Variants in SLC22A23 observed in about 807,000 individuals in gnomAD.
The protein encoded by SLC22A23 is solute carrier family 22 member 23.
SLC22A23 carries 26 observed loss-of-function variants against 61.0 expected under a neutral mutation model. The ratio of observed to expected loss-of-function variants is 0.43; its 90% CI spans 0.31 to 0.59. The LOEUF (loss-of-function observed/expected upper bound fraction) is 0.59. SLC22A23 is among the 20% of genes least tolerant of loss of function. The pLI is 0.11. For missense variants in SLC22A23, 796 were observed against 934.7 expected (o/e 0.85, Z 1.94); for synonymous variants, 430 against 413.9 (o/e 1.04, Z -0.47).
chr6:3,432,793 C>T (rs1009122684), intron 1 of SLC22A23, among the ~76,000 whole-genome samples: 2 of 152,172 alleles, frequency 1.3e-5, no homozygotes, highest in Non-Finnish European at 2.9e-5. Flanking sequence ...ACCTACAGTT[C>T]GTTGCTCTTT....
rs78994264 is a variant in SLC22A23 at position 3,410,142 on chromosome 6, C to T, written c.913+46G>A. 0.017 allele frequency: 26,510 copies of T among 1,568,850 alleles called. 269 individuals are homozygous for T. Among genetic ancestry groups the T allele is most frequent in the Middle Eastern group, 0.03 (176 of 5,868 alleles). On this transcript the variant is annotated intron_variant, in intron 3 of 9. Coordinates refer to ENST00000406686, the MANE Select transcript of SLC22A23 (RefSeq NM_015482.2). The surrounding 1 kb of genome is among the most constrained non-coding windows in gnomAD (Gnocchi z 5.0). Reference sequence around the variant, plus strand: ...TCCCAGAACCTCCCAGGCAACAATACTTTTGCTAAATTCTTTCAAGACTAG... The same window carrying T: ...TCCCAGAACCTCCCAGGCAACAATATTTTTGCTAAATTCTTTCAAGACTAG...
rs1763493221 is a variant in SLC22A23, at chr6:3,329,947, G to A, written c.914-5945C>T. Among the ~76,000 whole-genome samples the A allele has an allele frequency of 6.6e-6, 1 of 152,164 alleles. No homozygotes were observed. The highest frequency in any genetic ancestry group is 1.5e-5 in the Non-Finnish European group (1 of 68,032). ...GCTCCTAAATTAAACACAATTCCTG[G>A]AACAGGCCTGCGGAACGAGAAATCC... On this transcript the variant is annotated intron_variant, in intron 3 of 9. Transcript: ENST00000406686. This position sits in a 1 kb window ranked among gnomAD's most constrained non-coding sequence, Gnocchi z 4.8.
chr6:3,396,363 C>G (rs1010661270), intron 3 of SLC22A23, among the ~76,000 whole-genome samples: 8 of 152,196 alleles, frequency 5.3e-5, no homozygotes, highest in African/African-American at 1.9e-4. Context: ...GAGATCGAGA[C>G]CATCCTGACC....
intron 3 of SLC22A23, among the ~76,000 whole-genome samples, chr6:3,396,395 T>C (rs537821603): frequency 3.3e-5 from 5 of 152,246 alleles, no homozygotes; most frequent in Admixed American, 6.5e-5. Context: ...TCCCCATCTC[T>C]ACTAAAAATA....
intron 4 of SLC22A23, among the ~76,000 whole-genome samples, chr6:3,310,776 C>T (rs2127380356): frequency 6.6e-6 from 1 of 152,314 alleles, no homozygotes; most frequent in Admixed American, 6.5e-5. Flanking sequence ...CCTGCCAATT[C>T]ACTTAACACC....
intron 1 of SLC22A23, among the ~76,000 whole-genome samples, chr6:3,428,814 G>A (rs1451242862): frequency 6.6e-6 from 1 of 152,178 alleles, no homozygotes; most frequent in Non-Finnish European, 1.5e-5. Context: ...ATGCCTAAAA[G>A]GGTAACAATA....
At chr6:3,437,401 G>T (rs56741246) in intron 1 of SLC22A23, among the ~76,000 whole-genome samples, 3 of 152,042 alleles carry the variant, frequency 2.0e-5, no homozygotes, top group South Asian at 2.1e-4. Context: ...TAATAGGCCA[G>T]GCGCGGTGGC....
intron 3 of SLC22A23, among the ~76,000 whole-genome samples, chr6:3,408,550 G>A (rs1425034564): frequency 2.0e-5 from 3 of 152,184 alleles, no homozygotes; most frequent in Admixed American, 1.3e-4. Flanking sequence ...TGGCAGACAT[G>A]GCTAATGGAT....
At position 3,390,746 on chromosome 6, in the gene SLC22A23, G is replaced by A. The variant is rs1293078055; in HGVS notation, c.913+19442C>T. 6.6e-6 allele frequency among the ~76,000 whole-genome samples: 1 copy of A among 152,234 alleles called. No individual in the cohort carries two copies. The highest frequency in any genetic ancestry group is 1.5e-5 in the Non-Finnish European group (1 of 68,046). On this transcript the variant is annotated intron_variant, in intron 3 of 9. Coordinates refer to ENST00000406686, the MANE Select transcript of SLC22A23 (RefSeq NM_015482.2). The surrounding 1 kb of genome is among the most constrained non-coding windows in gnomAD (Gnocchi z 4.0). ...TGGACCCCAAGTGGGGCTATGGAGTGTACTAAACATCATCACTGAACATTT... is the reference window on the plus strand; with the variant it reads ...TGGACCCCAAGTGGGGCTATGGAGTATACTAAACATCATCACTGAACATTT...
intron 3 of SLC22A23, among the ~76,000 whole-genome samples, chr6:3,404,912 T>C (rs59034326): frequency 0.027 from 4,090 of 152,120 alleles, 192 homozygotes; most frequent in African/African-American, 0.093. Flanking sequence ...GATTTCCCTG[T>C]TGTGCCCATC....
chr6:3,363,727 T>C (rs1197247584), intron 3 of SLC22A23, among the ~76,000 whole-genome samples: 3 of 152,236 alleles, frequency 2.0e-5, no homozygotes, highest in Admixed American at 2.0e-4. Context: ...TGCCACGTTC[T>C]GGAGAGAAAA....
rs1172021789 is a variant in SLC22A23 at position 3,318,839 on chromosome 6, C to T, written c.1082+4995G>A. ...TCCATGTTTCTTAAAGCTCTGGCCT[C>T]CCCATCTCAGGAAACAGACCCAGCT... On this transcript the variant is annotated intron_variant, in intron 4 of 9. Coordinates refer to ENST00000406686, the MANE Select transcript of SLC22A23 (RefSeq NM_015482.2). The surrounding 1 kb of genome is among the most constrained non-coding windows in gnomAD (Gnocchi z 4.3). 6.6e-6 allele frequency among the ~76,000 whole-genome samples: 1 copy of T among 152,170 alleles called. No homozygotes were observed. Among genetic ancestry groups the T allele is most frequent in the Non-Finnish European group, 1.5e-5 (1 of 68,038 alleles).
chr6:3,389,887 G>C (rs560949630), intron 3 of SLC22A23, among the ~76,000 whole-genome samples: 1 of 152,360 alleles, frequency 6.6e-6, no homozygotes, highest in Admixed American at 6.5e-5. Context: ...CGGCCTTGCT[G>C]GAACCGGTTT....
chr6:3,273,493 G>A lies in SLC22A23; in HGVS notation c.1704-81C>T, dbSNP rs530395298. On this transcript the variant is annotated intron_variant, in intron 9 of 9. Coordinates refer to ENST00000406686, the MANE Select transcript of SLC22A23 (RefSeq NM_015482.2). Reference sequence around the variant, plus strand: ...GGGAAAGCTCGGGGTGGACCAGGAAGCCACCTCTGCAGGGGCCCTGCTGCC... The same window carrying A: ...GGGAAAGCTCGGGGTGGACCAGGAAACCACCTCTGCAGGGGCCCTGCTGCC... The A allele has an allele frequency of 5.0e-5, 75 of 1,497,552 alleles. No individual in the cohort carries two copies. The Admixed American group carries it at 1.2e-3, about 24-fold the overall frequency. 92.8% of individuals were successfully genotyped at this position (1,497,552 alleles called of 1,614,324 possible).
rs77665257 is a variant in SLC22A23, at chr6:3,295,780, G to C, written c.1210+2311C>G. ...GCTGCCATCAACACATCTGACAGCT[G>C]GGGGTGGAAGAGAGCAGAGTCCACT... On this transcript the variant is annotated intron_variant, in intron 5 of 9. Coordinates refer to ENST00000406686, the MANE Select transcript of SLC22A23 (RefSeq NM_015482.2). 5.7e-3 allele frequency among the ~76,000 whole-genome samples: 865 copies of C among 152,292 alleles called. 11 individuals carry two copies. Among genetic ancestry groups the C allele is most frequent in the Middle Eastern group, 0.041 (12 of 294 alleles).
Position 3,272,824 on chromosome 6 carries a change from C to A in SLC22A23, c.*231G>T. On this transcript the variant is annotated 3_prime_UTR_variant, in exon 10 of 10. Coordinates refer to ENST00000406686, the MANE Select transcript of SLC22A23 (RefSeq NM_015482.2). ...CTCGTAAAAATGACCAAAATAAATA[C>A]ACACATTTAACGGCAGAAAAGAAAG... 1 of 457,134 alleles carries A rather than the reference C, an allele frequency of 2.2e-6. No individual in the cohort carries two copies. The highest frequency in any genetic ancestry group is 3.9e-6 in the Non-Finnish European group (1 of 259,100). The allele number at this position is 457,134 out of a possible 1,614,324, so 28.3% of individuals were successfully genotyped here. A position where few individuals can be genotyped will look rare whatever the true frequency, so the allele number is the denominator to read the frequency against.
In SLC22A23 at chr6:3,318,100, C is replaced by T. The variant is rs950093738; in HGVS notation, c.1082+5734G>A. ...TCTGGGTGCATCATGCTGCTGCCAC[C>T]TTTTCCTGGCCAGCGTCTCCACCCT... On this transcript the variant is annotated intron_variant, in intron 4 of 9. Transcript: ENST00000406686. This position sits in a 1 kb window ranked among gnomAD's most constrained non-coding sequence, Gnocchi z 4.3. Among the ~76,000 whole-genome samples the T allele has an allele frequency of 6.6e-6, 1 of 152,204 alleles. No homozygotes were observed. The highest frequency in any genetic ancestry group is 1.5e-5 in the Non-Finnish European group (1 of 68,038).
At chr6:3,279,467 C>T (rs944787037) in intron 9 of SLC22A23, among the ~76,000 whole-genome samples, 3 of 131,688 alleles carry the variant, frequency 2.3e-5, no homozygotes, top group Non-Finnish European at 3.1e-5. Flanking sequence ...GCCGAGATCA[C>T]GCGACTGCAC....
chr6:3,325,894 T>C (rs140582212), intron 3 of SLC22A23, among the ~76,000 whole-genome samples: 12 of 152,378 alleles, frequency 7.9e-5, no homozygotes, highest in South Asian at 6.2e-4. Context: ...GGAAACAGCA[T>C]GATGGCGTCG....
Sources: gnomAD v4.1 joint callset for allele counts (sites outside exome capture counted in the v4.1 genomes callset) on GRCh38, gnomAD v4.1.1 for gene constraint, Gnocchi (gnomAD v3.1) non-coding constraint, MANE v1.5 for transcripts, NCBI Gene and HGNC (gene_info 2026-07-23, HGNC 2026-07-21) for gene names.